The following STX8 variants were observed in gnomAD, a reference collection of about 807,000 sequenced individuals.
The protein encoded by STX8 is syntaxin 8, also known as syntaxin-8.
STX8 carries 23 observed loss-of-function variants against 37.5 expected under a neutral mutation model. The ratio of observed to expected loss-of-function variants is 0.61; its 90% CI spans 0.44 to 0.87. The LOEUF (loss-of-function observed/expected upper bound fraction) is 0.87, where lower values mean the gene tolerates loss of function less well. STX8 is among the 40% of genes least tolerant of loss of function. The probability of loss-of-function intolerance (pLI) is 0.00; values close to 1 mark genes in which losing one functional copy is unlikely to be tolerated. For synonymous variants in STX8, 115 were observed against 99.1 expected, an observed-to-expected ratio of 1.16 and a Z score of -0.95; for missense variants, 313 against 284.7, an observed-to-expected ratio of 1.10 and a Z score of -0.71.
At chr17:9,394,130 C>A (rs943255998) in intron 6 of STX8, among the ~76,000 whole-genome samples, 1 of 152,088 alleles carries the variant, frequency 6.6e-6, no homozygotes, top group African/African-American at 2.4e-5. Context: ...AAAGAAAAAA[C>A]CCACACTGTT....
chr17:9,309,997 A>C lies in STX8; in HGVS notation c.644-59352T>G, dbSNP rs1291963678. On this transcript the variant is annotated intron_variant, in intron 7 of 7. Transcript: ENST00000306357. The stretch of plus-strand genomic sequence containing the variant: ...CAAATATTTGTCAATAGTCAAGTTG[A>C]CTCTTATTAGTCAAGTTGACTCTTA... Among the ~76,000 whole-genome samples, 8 of 120,810 alleles carry C rather than the reference A, an allele frequency of 6.6e-5. 1 individual carries two copies. 79.3% of individuals were successfully genotyped at this position (120,810 alleles called of 152,430 possible). A position where few individuals can be genotyped will look rare whatever the true frequency, so the allele number is the denominator to read the frequency against.
intron 7 of STX8, among the ~76,000 whole-genome samples, chr17:9,364,697 A>AT (rs1036871674): frequency 1.3e-5 from 2 of 151,432 alleles, no homozygotes; most frequent in Non-Finnish European, 2.9e-5. Flanking sequence ...CGCTCAGCTA[A>AT]TTTTTTTTGT....
intron 1 of STX8, among the ~76,000 whole-genome samples, chr17:9,571,854 G>A (rs1479762374): frequency 6.6e-6 from 1 of 151,778 alleles, no homozygotes. Flanking sequence ...GGCAGAGGTT[G>A]CAGTGAGCCA....
chr17:9,340,532 C>T lies in STX8; in HGVS notation c.643+38020G>A, dbSNP rs144939675. 4.1e-3 allele frequency among the ~76,000 whole-genome samples: 618 copies of T among 152,074 alleles called. 6 individuals are homozygous for T. Among genetic ancestry groups the T allele is most frequent in the Middle Eastern group, 0.014 (4 of 294 alleles). On this transcript the variant is annotated intron_variant, in intron 7 of 7. Transcript: ENST00000306357. ...TAAATCCTAAATTCACAGGATGGAA[C>T]ATTCAACTCCTGATTTTCCAGAAAA...
At chr17:9,498,399 AAAC>A (rs1173349043) in intron 5 of STX8, among the ~76,000 whole-genome samples, 8 of 151,004 alleles carry the variant, frequency 5.3e-5, no homozygotes, top group African/African-American at 1.7e-4. Flanking sequence ...CAAAAAAAAA[AAAC>A]AAAAGAAAAG....
intron 5 of STX8, among the ~76,000 whole-genome samples, chr17:9,492,429 T>C (rs1187185405): frequency 2.0e-4 from 31 of 152,220 alleles, no homozygotes; most frequent in Admixed American, 2.0e-3. Context: ...AGCTCCCAAG[T>C]ACTATGTAAT....
chr17:9,402,124 TATTA>T (rs1273056604), intron 6 of STX8, among the ~76,000 whole-genome samples: 2 of 150,788 alleles, frequency 1.3e-5, no homozygotes, highest in African/African-American at 4.9e-5. Flanking sequence ...ATTTATTTAT[TATTA>T]TTTGTTTTTA....
intron 6 of STX8, among the ~76,000 whole-genome samples, chr17:9,475,455 G>A (rs910374275): frequency 5.9e-5 from 9 of 152,184 alleles, no homozygotes; most frequent in African/African-American, 1.9e-4. Context: ...CAGGAATCAG[G>A]GCATCTGAGT....
At chr17:9,351,708 C>T (rs1402382205) in intron 7 of STX8, among the ~76,000 whole-genome samples, 1 of 152,076 alleles carries the variant, frequency 6.6e-6, no homozygotes, top group Non-Finnish European at 1.5e-5. Flanking sequence ...ATCTACAATT[C>T]TTCTATCCTT....
At chr17:9,318,190 T>C (rs763996637) in intron 7 of STX8, among the ~76,000 whole-genome samples, 8 of 152,284 alleles carry the variant, frequency 5.3e-5, no homozygotes, top group Non-Finnish European at 1.0e-4. Flanking sequence ...GTTACATAGG[T>C]ATTTATGTGC....
chr17:9,484,986 G>A (rs534641990), intron 6 of STX8, among the ~76,000 whole-genome samples: 4 of 152,256 alleles, frequency 2.6e-5, no homozygotes, highest in South Asian at 2.1e-4. Context: ...CATTGGGAGG[G>A]CCACTTAAAA....
intron 7 of STX8, among the ~76,000 whole-genome samples, chr17:9,321,561 C>T (rs1909579045): frequency 6.6e-6 from 1 of 151,898 alleles, no homozygotes; most frequent in Admixed American, 6.6e-5. Context: ...CCCCTGTCGC[C>T]CAGGCTGGAG....
At chr17:9,329,796 T>C (rs2315141) in intron 7 of STX8, among the ~76,000 whole-genome samples, 126,856 of 152,196 alleles carry the variant, frequency 0.83, 52,978 homozygotes, top group East Asian at 0.89. Context: ...CCAGACATGA[T>C]AGAGCAGGGA....
chr17:9,375,759 TATATTAC>T (rs1454869427), intron 7 of STX8, among the ~76,000 whole-genome samples: 3 of 152,222 alleles, frequency 2.0e-5, no homozygotes, highest in African/African-American at 7.2e-5. Flanking sequence ...CATACATATA[TATATTAC>T]ATACACGCAA....
chr17:9,490,530 C>A (rs1906810929), intron 6 of STX8, among the ~76,000 whole-genome samples: 1 of 152,038 alleles, frequency 6.6e-6, no homozygotes. Flanking sequence ...GGCCACCACG[C>A]CCAGCTAATT....
At chr17:9,550,628 G>A (rs950710510) in intron 3 of STX8, among the ~76,000 whole-genome samples, 1 of 152,118 alleles carries the variant, frequency 6.6e-6, no homozygotes, top group African/African-American at 2.4e-5. Flanking sequence ...TCATATTACT[G>A]ATACCTACTA....
rs138103908 is a variant in STX8 at position 9,302,895 on chromosome 17, T to C, written c.644-52250A>G. On this transcript the variant is annotated intron_variant, in intron 7 of 7. Transcript: ENST00000306357. Reference sequence around the variant, plus strand: ...GAAAGATTCAGTATTTTTATTGTAGTAGTGGTTGTAGAACTATTTATGTTT... The same window carrying C: ...GAAAGATTCAGTATTTTTATTGTAGCAGTGGTTGTAGAACTATTTATGTTT... Among the ~76,000 whole-genome samples the C allele has an allele frequency of 9.2e-4, 140 of 151,662 alleles. 1 individual carries two copies. Among genetic ancestry groups the C allele is most frequent in the Middle Eastern group, 3.4e-3 (1 of 294 alleles).
chr17:9,547,439 G>C (rs571167946), intron 3 of STX8: 2 of 151,852 alleles, frequency 1.3e-5, no homozygotes, highest in East Asian at 3.9e-4. Flanking sequence ...TTCGAGACCA[G>C]CCTGACCAAT....
chr17:9,488,821 A>AGTGTGT (rs71135988), intron 6 of STX8, among the ~76,000 whole-genome samples: 5,298 of 143,924 alleles, frequency 0.037, 139 homozygotes, highest in African/African-American at 0.066. Context: ...AGAGAGAGAG[A>AGTGTGT]GTGTGTGTGT....
Sources: gnomAD v4.1 joint callset for allele counts (sites outside exome capture counted in the v4.1 genomes callset) on GRCh38, gnomAD v4.1.1 for gene constraint, MANE v1.5 for transcripts, NCBI Gene and HGNC (gene_info 2026-07-23, HGNC 2026-07-21) for gene names.